TMEM39A: variants seen among roughly 807,000 people sequenced by gnomAD.
TMEM39A encodes the protein suppressor of SQST-1 aggregates in rpl-43 mutants.
Under a neutral mutation model 51.9 loss-of-function variants are expected in TMEM39A, and 19 were observed. The observed-to-expected ratio is 0.37, with a 90% CI of 0.26 to 0.54. The LOEUF is 0.54. Among genes scored for constraint, TMEM39A ranks in the 20% least tolerant of loss-of-function variants. TMEM39A has a pLI of 0.88. For synonymous variants in TMEM39A, 197 were observed against 220.2 expected, an observed-to-expected ratio of 0.89 and a Z score of 0.93; for missense variants, 433 against 590.5, an observed-to-expected ratio of 0.73 and a Z score of 2.76.
chr3:119,449,630 C>A (rs544191891), intron 4 of TMEM39A, among the ~76,000 whole-genome samples: 1 of 151,780 alleles, frequency 6.6e-6, no homozygotes, highest in Non-Finnish European at 1.5e-5. Context: ...CTGCCCCCCA[C>A]CCCCCAAAAA....
chr3:119,446,532 A>T (rs2081127662), intron 5 of TMEM39A: 2 of 153,244 alleles, frequency 1.3e-5, no homozygotes, highest in African/African-American at 4.8e-5. Flanking sequence ...GGAATTTTCT[A>T]TTTAATGTTT....
rs1025446746 is a variant in TMEM39A at position 119,462,130 on chromosome 3, T to C, written c.-56A>G. 1.7e-5 allele frequency: 23 copies of C among 1,392,476 alleles called. No individual in the cohort carries two copies. The highest frequency in any genetic ancestry group is 8.4e-5 in the South Asian group (7 of 83,554). The allele number at this position is 1,392,476 out of a possible 1,614,324, so 86.3% of individuals were successfully genotyped here. On this transcript the variant is annotated 5_prime_UTR_variant, in exon 2 of 9. Transcript: ENST00000319172. ...CTGTAGTTGCAACCCAGGTTAATGG[T>C]TGTCAACCAGTTTCAACTCTGAACG... is the stretch of plus-strand genomic sequence containing the variant.
chr3:119,445,156 G>A (rs75745493), intron 5 of TMEM39A, among the ~76,000 whole-genome samples: 17,365 of 152,186 alleles, frequency 0.11, 1,175 homozygotes, highest in South Asian at 0.18. Context: ...TGTGGAGTAT[G>A]TGTAACGCTC....
intron 3 of TMEM39A, among the ~76,000 whole-genome samples, chr3:119,455,649 A>G (rs999584524): frequency 6.6e-6 from 1 of 152,232 alleles, no homozygotes; most frequent in African/African-American, 2.4e-5. Flanking sequence ...TTAATTCTGG[A>G]GTCAGCAGCT....
intron 7 of TMEM39A, 192 bp from the exon 8 acceptor site, chr3:119,435,074 T>A (rs2080950681): frequency 1.0e-6 from 1 of 973,670 alleles, no homozygotes; most frequent in South Asian, 4.7e-5. Context: ...ACTTCATTGC[T>A]ATATAGTAAA....
chr3:119,437,023 A>G, intron 6 of TMEM39A, 45 bp from the exon 7 acceptor site: 2 of 1,565,374 alleles, frequency 1.3e-6, no homozygotes, highest in Non-Finnish European at 1.7e-6. Context: ...GCACTGGTAA[A>G]AAGAGGCAGG....
intron 2 of TMEM39A, among the ~76,000 whole-genome samples, chr3:119,459,259 TGTG>T (rs1461830769): frequency 2.6e-5 from 4 of 152,188 alleles, no homozygotes; most frequent in Non-Finnish European, 5.9e-5. Context: ...ATACAAACAA[TGTG>T]GTTTATGCTG....
chr3:119,449,249 C>A (rs182862806), intron 4 of TMEM39A, among the ~76,000 whole-genome samples: 1 of 152,074 alleles, frequency 6.6e-6, no homozygotes, highest in Admixed American at 6.6e-5. Flanking sequence ...AATCTTCATA[C>A]GCATATGAAG....
intron 4 of TMEM39A, among the ~76,000 whole-genome samples, chr3:119,449,165 GTTAATT>G (rs10575462): frequency 0.05 from 7,590 of 152,186 alleles, 233 homozygotes; most frequent in Non-Finnish European, 0.067. Flanking sequence ...ATAACATTAT[GTTAATT>G]TTAAAGTACA....
rs1358265560 is a variant in TMEM39A at position 119,430,546 on chromosome 3, C to T, written c.*1435G>A. 1 of 151,962 alleles carries T rather than the reference C, an allele frequency of 6.6e-6. No individual in the cohort carries two copies. Among genetic ancestry groups the T allele is most frequent in the Non-Finnish European group, 1.5e-5 (1 of 67,992 alleles). The allele number at this position is 151,962 out of a possible 1,614,324, so 9.4% of individuals were successfully genotyped here. ...TCCCCAGGGCCTAATATAGTGCCTA[C>T]TGGTTAATATATATTTGTTGAATGG... On this transcript the variant is annotated 3_prime_UTR_variant, in exon 9 of 9. Coordinates refer to ENST00000319172, the MANE Select transcript of TMEM39A (RefSeq NM_018266.3).
Position 119,462,069 on chromosome 3 carries a change from G to C in TMEM39A, c.6C>G (p.Pro2=), listed in dbSNP as rs144971195. ...GCCGACTAGGGCCCCTCCTTCCACC[G>C]GGCATGTCCAGGAACCAGTCTGCTT... The part of the protein sequence containing the change: M[P]GGRRGPSRQQ... The change falls in exon 2 of 9, where the codon CCC becomes CCG. Residue 2 remains proline (P), a synonymous_variant. Coordinates refer to ENST00000319172, the MANE Select transcript of TMEM39A (RefSeq NM_018266.3). 1.9e-6 allele frequency: 3 copies of C among 1,613,598 alleles called. No individual in the cohort carries two copies. The highest frequency in any genetic ancestry group is 1.7e-6 in the Non-Finnish European group (2 of 1,179,832).
intron 5 of TMEM39A, among the ~76,000 whole-genome samples, chr3:119,442,852 G>T (rs540693148): frequency 1.8e-4 from 27 of 152,204 alleles, no homozygotes; most frequent in African/African-American, 6.5e-4. Context: ...TTGAGCCTAG[G>T]AGTTCGACAC....
Position 119,445,597 on chromosome 3 carries a change from G to GA in TMEM39A, c.575+1420dup. Among the ~76,000 whole-genome samples the GA allele has an allele frequency of 6.6e-5, 10 of 151,740 alleles. 1 individual carries two copies. In the South Asian group the frequency reaches 2.1e-3, roughly 32 times the overall value. On this transcript the variant is annotated intron_variant, in intron 5 of 8. Transcript: ENST00000319172. The stretch of plus-strand genomic sequence containing the variant: ...TATTTATATGAATTTAACCTCAAAA[G>GA]AAAAAAAAGCTGTCAACAAATATCG...
chr3:119,434,813 C>T lies in TMEM39A; in HGVS notation c.1182G>A (p.Met394Ile). 1 of 1,613,804 alleles carries T rather than the reference C, an allele frequency of 6.2e-7. No individual in the cohort carries two copies. The highest frequency in any genetic ancestry group is 8.5e-7 in the Non-Finnish European group (1 of 1,179,742). The part of the protein sequence containing the change: ...VRHSRCLYRA[M>I]GPYNVAVPSD... ...AAGGCACTGCCACGTTGTAAGGCCCCATGGCTCTATATAAACATCTGCTGT... is the reference window on the plus strand; with the variant it reads ...AAGGCACTGCCACGTTGTAAGGCCCTATGGCTCTATATAAACATCTGCTGT... Residue 394 changes from methionine to isoleucine, a missense_variant, in exon 8 of 9, where the codon ATG becomes ATA. Met to Ile is a conservative substitution (Grantham distance 10, BLOSUM62 1). Coordinates refer to ENST00000319172, the MANE Select transcript of TMEM39A (RefSeq NM_018266.3).
At chr3:119,437,307 A>G (rs1031798031) in intron 6 of TMEM39A, among the ~76,000 whole-genome samples, 3 of 152,096 alleles carry the variant, frequency 2.0e-5, no homozygotes, top group African/African-American at 7.2e-5. Flanking sequence ...GTACCAAAAG[A>G]TTTTGGGCCC....
At chr3:119,445,411 C>T (rs1290523045) in intron 5 of TMEM39A, among the ~76,000 whole-genome samples, 1 of 152,118 alleles carries the variant, frequency 6.6e-6, no homozygotes, top group Non-Finnish European at 1.5e-5. Context: ...ATTACAGACA[C>T]GTGCCACCAC....
intron 4 of TMEM39A, among the ~76,000 whole-genome samples, chr3:119,451,865 G>T (rs528908129): frequency 6.7e-4 from 82 of 122,308 alleles, no homozygotes; most frequent in Admixed American, 2.3e-3. Context: ...AAAGAAAAAT[G>T]ATACCAATGG....
At chr3:119,458,315 C>T in intron 2 of TMEM39A, 75 bp from the exon 3 acceptor site, 1 of 1,237,464 alleles carries the variant, frequency 8.1e-7, no homozygotes, top group Non-Finnish European at 1.2e-6. Flanking sequence ...CTCCTGCTGT[C>T]TCCTCCATCT....
rs1021236360 is a variant in TMEM39A at position 119,459,964 on chromosome 3, C to T, written c.114-1724G>A. Among the ~76,000 whole-genome samples, 18 of 152,214 alleles carry T rather than the reference C, an allele frequency of 1.2e-4. No homozygotes were observed. The South Asian group carries it at 3.3e-3, about 28-fold the overall frequency. On this transcript the variant is annotated intron_variant, in intron 2 of 8. Coordinates refer to ENST00000319172, the MANE Select transcript of TMEM39A (RefSeq NM_018266.3). ...ATTATAAGCTATCCGCTAGTTCTTT[C>T]ATGTTTTCATACCTCGTCCCCAGGT...
Sources: gnomAD v4.1 joint callset for allele counts (sites outside exome capture counted in the v4.1 genomes callset) on GRCh38, gnomAD v4.1.1 for gene constraint, MANE v1.5 for transcripts, NCBI Gene and HGNC (gene_info 2026-07-23, HGNC 2026-07-21) for gene names.